AKR1E2: variants seen among roughly 807,000 people sequenced by gnomAD.
AKR1E2 encodes the protein aldo-keto reductase family 1 member E2.
Under a neutral mutation model 41.9 loss-of-function variants are expected in AKR1E2, and 43 were observed. That is an observed-to-expected ratio of 1.03 (90% confidence interval 0.80 to 1.32). The LOEUF is 1.32. Among genes scored for constraint, AKR1E2 ranks in the 40% most tolerant of loss-of-function variants. The pLI is 0.00. For synonymous variants in AKR1E2, 121 were observed against 138.9 expected (o/e 0.87, Z 0.91); for missense variants, 423 against 396.5 (o/e 1.07, Z -0.57).
chr10:4,835,558 G>A, intron 3 of AKR1E2, 117 bp from the exon 4 acceptor site: 1 of 1,304,044 alleles, frequency 7.7e-7, no homozygotes, highest in South Asian at 1.5e-5. Flanking sequence ...TGGTCACATG[G>A]CCAGGCTGGG....
At chr10:4,853,392 C>T in the AKR1E2 span, among the ~76,000 whole-genome samples, 1 of 149,448 alleles carries the variant, frequency 6.7e-6, no homozygotes, top group East Asian at 2.0e-4. Flanking sequence ...ACTGGACACA[C>T]AGTAGTTTGT....
At chr10:4,866,844 T>A in the AKR1E2 span, among the ~76,000 whole-genome samples, 1 of 151,942 alleles carries the variant, frequency 6.6e-6, no homozygotes. Context: ...GCTCGGTCAT[T>A]TCCTGGGTGG....
chr10:4,825,813 CGAGGCCCTGGAA>C, upstream of AKR1E2, among the ~76,000 whole-genome samples: 1 of 152,312 alleles, frequency 6.6e-6, no homozygotes, highest in South Asian at 2.1e-4. Flanking sequence ...CCGGCCATGG[CGAGGCCCTGGAA>C]CGGTGAAGAC....
In AKR1E2 at chr10:4,847,520, T is replaced by G. The variant is rs1449422342; in HGVS notation, c.953T>G (p.Ile318Arg). The G allele has an allele frequency of 6.2e-7, 1 of 1,613,702 alleles. No homozygotes were observed. Among genetic ancestry groups the G allele is most frequent in the Admixed American group, 1.7e-5 (1 of 59,944 alleles). Residue 318 changes from isoleucine to arginine, a missense_variant, in exon 10 of 10, where the codon ATA (isoleucine) becomes AGA (arginine). Physicochemically the swap from Ile to Arg is moderately conservative, Grantham distance 97. Coordinates refer to ENST00000298375, the MANE Select transcript of AKR1E2 (RefSeq NM_001040177.3). ...AATCACAAAGACTATCCTTTCCACA[T>G]AGAATACTGAGGACGCTTCCCCTTC... ...TKNHKDYPFH[I>R]EY
chr10:4,869,746 A>G, the AKR1E2 span, among the ~76,000 whole-genome samples: 2 of 151,860 alleles, frequency 1.3e-5, no homozygotes, highest in African/African-American at 4.8e-5. Flanking sequence ...TTCGCTCAAG[A>G]CTTCCTGTTT....
At chr10:4,861,255 G>T in the AKR1E2 span, among the ~76,000 whole-genome samples, 75 of 152,146 alleles carry the variant, frequency 4.9e-4, 1 homozygote, top group African/African-American at 1.8e-3. Context: ...TAAGAAAGAA[G>T]ATTTAATGTG....
At chr10:4,831,990 A>C (rs1379942781) in intron 2 of AKR1E2, among the ~76,000 whole-genome samples, 1 of 152,188 alleles carries the variant, frequency 6.6e-6, no homozygotes, top group Non-Finnish European at 1.5e-5. Flanking sequence ...GCACTGGCAC[A>C]GTGGGTGAGG....
chr10:4,867,548 C>T, the AKR1E2 span, among the ~76,000 whole-genome samples: 2 of 152,182 alleles, frequency 1.3e-5, no homozygotes, highest in Admixed American at 1.3e-4. Context: ...CACTATGTAA[C>T]TTTTTTGGAC....
intron 3 of AKR1E2, 112 bp from the exon 4 acceptor site, chr10:4,835,563 G>A: frequency 7.3e-7 from 1 of 1,361,276 alleles, no homozygotes. Flanking sequence ...ACATGGCCAG[G>A]CTGGGGTTGC....
chr10:4,847,006 G>A lies in AKR1E2; in HGVS notation c.838-142G>A, dbSNP rs532876348. On this transcript the variant is annotated intron_variant, in intron 8 of 9. Coordinates refer to ENST00000298375, the MANE Select transcript of AKR1E2 (RefSeq NM_001040177.3). ...TTGGGGAATCCAGGCTGTGATTCAG[G>A]GAAGTTCCAAGTGTCTGATGAAGTG... is the stretch of plus-strand genomic sequence containing the variant. 1.4e-4 allele frequency: 117 copies of A among 857,888 alleles called. No individual in the cohort carries two copies. In the African/African-American group the frequency reaches 1.6e-3, roughly 12 times the overall value. 53.1% of individuals were successfully genotyped at this position (857,888 alleles called of 1,614,324 possible). A position where few individuals can be genotyped will look rare whatever the true frequency, so the allele number is the denominator to read the frequency against.
intron 8 of AKR1E2, among the ~76,000 whole-genome samples, chr10:4,845,386 G>T (rs1158766860): frequency 6.6e-6 from 1 of 151,920 alleles, no homozygotes; most frequent in African/African-American, 2.4e-5. Context: ...TGGGCTGAAG[G>T]GCTCCTCAAG....
At chr10:4,864,003 C>T in the AKR1E2 span, among the ~76,000 whole-genome samples, 17 of 152,214 alleles carry the variant, frequency 1.1e-4, no homozygotes, top group South Asian at 2.1e-4. Flanking sequence ...CAGGACCAGA[C>T]GGATTCACAG....
chr10:4,857,726 G>C, the AKR1E2 span, among the ~76,000 whole-genome samples: 1 of 152,054 alleles, frequency 6.6e-6, no homozygotes, highest in South Asian at 2.1e-4. Context: ...ATTCAGTATT[G>C]GTAGGTTATG....
chr10:4,846,054 C>T (rs919793606), intron 8 of AKR1E2: 6 of 358,942 alleles, frequency 1.7e-5, no homozygotes, highest in Non-Finnish European at 3.3e-5. Context: ...TGCAAGGCTG[C>T]CTACCCTTTA....
the AKR1E2 span, among the ~76,000 whole-genome samples, chr10:4,867,490 A>G: frequency 6.6e-6 from 1 of 152,158 alleles, no homozygotes; most frequent in Admixed American, 6.5e-5. Flanking sequence ...TATGTTCTTC[A>G]TTCCTATAAT....
chr10:4,833,375 C>A lies in AKR1E2; in HGVS notation c.233C>A (p.Ser78Tyr). 1 of 1,614,148 alleles carries A rather than the reference C, an allele frequency of 6.2e-7. No individual in the cohort carries two copies. Among genetic ancestry groups the A allele is most frequent in the Non-Finnish European group, 8.5e-7 (1 of 1,180,008 alleles). ...CTGTGGTGCACCTGCCATAAGAAGTCCTTGGTGGAAACAGCATGCAGAAAG... is the reference window on the plus strand; with the variant it reads ...CTGTGGTGCACCTGCCATAAGAAGTACTTGGTGGAAACAGCATGCAGAAAG... Reference protein sequence around the residue: ...TKLWCTCHKKSLVETACRKSL... With the variant: ...TKLWCTCHKKYLVETACRKSL... Residue 78 changes from serine (S) to tyrosine (Y), a missense_variant, in exon 3 of 10, where the codon TCC (serine) becomes TAC (tyrosine). Coordinates refer to ENST00000298375, the MANE Select transcript of AKR1E2 (RefSeq NM_001040177.3).
the AKR1E2 span, among the ~76,000 whole-genome samples, chr10:4,857,403 C>A: frequency 8.6e-5 from 13 of 151,942 alleles, no homozygotes; most frequent in East Asian, 5.8e-4. Context: ...GTAGTACCCC[C>A]CACACACACA....
chr10:4,865,113 C>G, the AKR1E2 span, among the ~76,000 whole-genome samples: 2 of 152,078 alleles, frequency 1.3e-5, no homozygotes, highest in African/African-American at 4.8e-5. Context: ...AAGTTACTCT[C>G]TAACACATTA....
the AKR1E2 span, among the ~76,000 whole-genome samples, chr10:4,861,660 C>T: frequency 7.2e-5 from 11 of 152,106 alleles, no homozygotes; most frequent in South Asian, 2.1e-4. Context: ...TGAACCACCG[C>T]GCCTGGCCAA....
Sources: allele counts gnomAD v4.1 joint callset (sites outside exome capture counted in the v4.1 genomes callset), GRCh38; gene constraint gnomAD v4.1.1; transcripts MANE v1.5; gene names NCBI Gene and HGNC (gene_info 2026-07-23, HGNC 2026-07-21).